The following SLC37A3 variants were observed in gnomAD, a reference collection of about 807,000 sequenced individuals.
SLC37A3 encodes the protein sugar phosphate exchanger 3.
SLC37A3 carries 51 observed loss-of-function variants against 67.1 expected under a neutral mutation model. That is an observed-to-expected ratio of 0.76 (90% CI 0.61 to 0.96). The LOEUF (loss-of-function observed/expected upper bound fraction) is 0.96, where lower values mean the gene tolerates loss of function less well. Ranked by LOEUF, SLC37A3 falls within the 40% of genes least tolerant of loss-of-function variation. SLC37A3 has a pLI of 0.00. For missense variants in SLC37A3, 508 were observed against 603.0 expected (o/e 0.84, Z 1.65); for synonymous variants, 214 against 231.4 (o/e 0.92, Z 0.68).
chr7:140,365,170 G>A (rs1344124430), intron 4 of SLC37A3, among the ~76,000 whole-genome samples: 1 of 152,178 alleles, frequency 6.6e-6, no homozygotes, highest in Non-Finnish European at 1.5e-5. Flanking sequence ...TTAAAATGCT[G>A]AGATCATGGC....
chr7:140,388,295 T>C (rs1404287382), intron 1 of SLC37A3, among the ~76,000 whole-genome samples: 2 of 151,086 alleles, frequency 1.3e-5, no homozygotes, highest in Non-Finnish European at 2.9e-5. Flanking sequence ...TAGCCAGGTG[T>C]GGTGGTGCGT....
chr7:140,378,198 G>A (rs1436913964), intron 3 of SLC37A3, among the ~76,000 whole-genome samples: 1 of 152,190 alleles, frequency 6.6e-6, no homozygotes, highest in Non-Finnish European at 1.5e-5. Context: ...AGTGCTCAGT[G>A]TCACTAAACT....
chr7:140,381,168 G>C (rs1021725346), intron 2 of SLC37A3, among the ~76,000 whole-genome samples: 3 of 149,158 alleles, frequency 2.0e-5, no homozygotes, highest in Non-Finnish European at 1.5e-5. Flanking sequence ...AAAGTGCTGG[G>C]ATTACAGGCA....
At position 140,365,855 on chromosome 7, in the gene SLC37A3, G is replaced by A. The variant is rs1797576175; in HGVS notation, c.292-1364C>T. ...CTAGCTGCCCCTCATATGGACTTAT[G>A]CTACACAGAACAAAAGGGATGAAGA... On this transcript the variant is annotated intron_variant, in intron 4 of 14. Coordinates refer to ENST00000326232, the MANE Select transcript of SLC37A3 (RefSeq NM_207113.3). 2.1e-5 allele frequency among the ~76,000 whole-genome samples: 3 copies of A among 145,610 alleles called. No homozygotes were observed. The South Asian group carries it at 6.5e-4, about 32-fold the overall frequency.
Position 140,382,545 on chromosome 7 carries a change from T to A in SLC37A3, c.-19A>T. Reference sequence around the variant, plus strand: ...AGGCCATGTTCTTCCTGACCTTCCTTCTCACCTTTGACCTTAAGGTTTGGA... The same window carrying A: ...AGGCCATGTTCTTCCTGACCTTCCTACTCACCTTTGACCTTAAGGTTTGGA... On this transcript the variant is annotated 5_prime_UTR_variant, in exon 2 of 15. Coordinates refer to ENST00000326232, the MANE Select transcript of SLC37A3 (RefSeq NM_207113.3). 6.2e-7 allele frequency: 1 copy of A among 1,611,876 alleles called. No homozygotes were observed. Among genetic ancestry groups the A allele is most frequent in the Non-Finnish European group, 8.5e-7 (1 of 1,178,206 alleles).
At chr7:140,350,923 G>A (rs1014351020) in intron 9 of SLC37A3, among the ~76,000 whole-genome samples, 1 of 152,272 alleles carries the variant, frequency 6.6e-6, no homozygotes, top group Non-Finnish European at 1.5e-5. Context: ...TCACATACCA[G>A]ATCAGGGTCA....
chr7:140,358,228 A>G (rs573471640), intron 6 of SLC37A3, among the ~76,000 whole-genome samples: 90 of 152,186 alleles, frequency 5.9e-4, no homozygotes, highest in Non-Finnish European at 7.8e-4. Context: ...CTTTGACCTT[A>G]ATTTCCTTAT....
Position 140,337,350 on chromosome 7 carries a change from C to A in SLC37A3, c.1327-1G>T. The A allele has an allele frequency of 1.9e-6, 3 of 1,575,896 alleles. No homozygotes were observed. Among genetic ancestry groups the A allele is most frequent in the Non-Finnish European group, 8.6e-7 (1 of 1,165,166 alleles). ...TGTCCCGGATCAGAGACACTAAATA[C>A]TGAAAGGGAGGAAAAAAAAATTACA... On this transcript the variant is annotated splice_acceptor_variant, in intron 13 of 14. Transcript: ENST00000326232. LOFTEE classifies it high-confidence loss of function.
chr7:140,382,386 C>T, intron 2 of SLC37A3, 52 bp downstream of exon 2: 1 of 1,528,670 alleles, frequency 6.5e-7, no homozygotes, highest in Non-Finnish European at 9.0e-7. Flanking sequence ...CAATATCTCC[C>T]TCAAAAGAAA....
In SLC37A3 at chr7:140,351,463, G is replaced by A; in HGVS notation, c.704-12C>T. 34 of 1,612,062 alleles carry A rather than the reference G, an allele frequency of 2.1e-5. No individual in the cohort carries two copies. The highest frequency in any genetic ancestry group is 2.9e-5 in the Non-Finnish European group (34 of 1,178,970). On this transcript the variant is annotated splice_polypyrimidine_tract_variant and intron_variant, in intron 8 of 14. Coordinates refer to ENST00000326232, the MANE Select transcript of SLC37A3 (RefSeq NM_207113.3). ...AATACCCGAGAGACCTAAAATAACA[G>A]CGACAGCCACTGTTTATGGAGTGCC...
chr7:140,360,325 G>T (rs1057355277), intron 5 of SLC37A3, among the ~76,000 whole-genome samples: 7 of 152,032 alleles, frequency 4.6e-5, no homozygotes, highest in African/African-American at 1.7e-4. Context: ...GCAGCAAATC[G>T]AGACCTTATC....
chr7:140,349,033 TCTC>T (rs1235596819), intron 9 of SLC37A3, among the ~76,000 whole-genome samples: 38 of 152,168 alleles, frequency 2.5e-4, no homozygotes, highest in African/African-American at 6.5e-4. Flanking sequence ...GTGTCCAGTT[TCTC>T]CTCCTATCAG....
chr7:140,335,039 G>A lies in SLC37A3; in HGVS notation c.*373C>T, dbSNP rs1048834660. Reference sequence around the variant, plus strand: ...ACCAACACAAACCACGCGTGGCTTTGCCTCCTGTTCACTCCATTTTCAAGG... The same window carrying A: ...ACCAACACAAACCACGCGTGGCTTTACCTCCTGTTCACTCCATTTTCAAGG... On this transcript the variant is annotated 3_prime_UTR_variant, in exon 15 of 15. Transcript: ENST00000326232. The A allele has an allele frequency of 5.1e-6, 3 of 583,980 alleles. No individual in the cohort carries two copies. Among genetic ancestry groups the A allele is most frequent in the African/African-American group, 3.7e-5 (2 of 53,574 alleles). 36.2% of individuals were successfully genotyped at this position (583,980 alleles called of 1,614,324 possible).
intron 1 of SLC37A3, among the ~76,000 whole-genome samples, chr7:140,396,084 T>C (rs1798916824): frequency 6.6e-6 from 1 of 151,882 alleles, no homozygotes; most frequent in Non-Finnish European, 1.5e-5. Context: ...GGCGTGATCA[T>C]AGTTCACTGC....
chr7:140,371,334 C>T (rs1238036287), intron 3 of SLC37A3, among the ~76,000 whole-genome samples: 1 of 152,122 alleles, frequency 6.6e-6, no homozygotes, highest in Non-Finnish European at 1.5e-5. Flanking sequence ...CCACCACGCC[C>T]AGATAATTTT....
intron 3 of SLC37A3, among the ~76,000 whole-genome samples, chr7:140,373,628 C>A (rs143074016): frequency 3.5e-4 from 53 of 152,200 alleles, no homozygotes; most frequent in African/African-American, 1.2e-3. Context: ...TAACTTCAAA[C>A]CTGTGAAAGG....
At chr7:140,355,525 T>C (rs921527765) in intron 7 of SLC37A3, 143 bp downstream of exon 7, 2 of 750,614 alleles carry the variant, frequency 2.7e-6, no homozygotes, top group East Asian at 5.5e-5. Context: ...GAAGTTTGTC[T>C]ACTTTTAATA....
chr7:140,359,451 C>T (rs2117125569), intron 5 of SLC37A3, among the ~76,000 whole-genome samples: 1 of 152,266 alleles, frequency 6.6e-6, no homozygotes, highest in Non-Finnish European at 1.5e-5. Context: ...GCTGTGAGGA[C>T]AGAACGAGCC....
intron 7 of SLC37A3, among the ~76,000 whole-genome samples, chr7:140,354,116 T>C (rs1013509267): frequency 6.6e-6 from 1 of 152,280 alleles, no homozygotes; most frequent in African/African-American, 2.4e-5. Context: ...AGGTTTATCA[T>C]GGTTGAACTA....
Sources: allele counts gnomAD v4.1 joint callset (sites outside exome capture counted in the v4.1 genomes callset), GRCh38; gene constraint gnomAD v4.1.1; transcripts MANE v1.5; gene names NCBI Gene and HGNC (gene_info 2026-07-23, HGNC 2026-07-21).